The following PCDHGA1 variants were observed in gnomAD, a reference collection of about 807,000 sequenced individuals.
PCDHGA1 encodes the protein protocadherin gamma subfamily A, 1, also known as protocadherin gamma-A1.
PCDHGA1 carries 32 observed loss-of-function variants against 58.0 expected under a neutral mutation model. The ratio of observed to expected loss-of-function variants is 0.55; its 90% CI spans 0.42 to 0.74. The LOEUF is 0.74. PCDHGA1 is among the 30% of genes least tolerant of loss of function. The pLI, the probability that PCDHGA1 is intolerant of heterozygous loss-of-function variation, is 0.00. For missense variants in PCDHGA1, 1,205 were observed against 1,182.3 expected, an observed-to-expected ratio of 1.02 and a Z score of -0.28; for synonymous variants, 498 against 501.1, an observed-to-expected ratio of 0.99 and a Z score of 0.08.
chr5:141,410,508 G>T (rs752298772), intron 1 of PCDHGA1: 1 of 1,613,968 alleles, frequency 6.2e-7, no homozygotes, highest in South Asian at 1.1e-5. Context: ...TTCCTAAAAT[G>T]CAGTGTGCCC....
chr5:141,403,517 G>A, intron 1 of PCDHGA1: 1 of 1,614,030 alleles, frequency 6.2e-7, no homozygotes, highest in Non-Finnish European at 8.5e-7. Context: ...AGACAATGGA[G>A]CCATAAACCC....
chr5:141,364,426 C>T (rs1763319753), intron 1 of PCDHGA1: 1 of 1,613,566 alleles, frequency 6.2e-7, no homozygotes. Flanking sequence ...GGCAGATCCG[C>T]TACTCGATGC....
intron 1 of PCDHGA1, chr5:141,389,471 A>G: frequency 6.2e-7 from 1 of 1,613,210 alleles, no homozygotes; most frequent in Non-Finnish European, 8.5e-7. Flanking sequence ...TCGAACTCAC[A>G]CTGCAGGCCC....
chr5:141,384,217 A>G lies in PCDHGA1; in HGVS notation c.2421+51112A>G, dbSNP rs1026607669. 6 of 1,613,776 alleles carry G rather than the reference A, an allele frequency of 3.7e-6. No homozygotes were observed. The African/African-American group carries it at 8.0e-5, about 22-fold the overall frequency. On this transcript the variant is annotated intron_variant, in intron 1 of 3. Coordinates refer to ENST00000517417, the MANE Select transcript of PCDHGA1 (RefSeq NM_018912.3). The stretch of plus-strand genomic sequence containing the variant: ...CTTGTCCAGGGAAACTCACATATTC[A>G]TGCAGGTGGCAGACACCAACGATAA...
chr5:141,421,491 A>G (rs934861223), intron 1 of PCDHGA1: 8 of 1,614,102 alleles, frequency 5.0e-6, no homozygotes, highest in Non-Finnish European at 6.8e-6. Context: ...TGATCACGGC[A>G]GGCAGGATAG....
intron 2 of PCDHGA1, among the ~76,000 whole-genome samples, chr5:141,503,239 C>G (rs1364808315): frequency 6.6e-6 from 1 of 152,088 alleles, no homozygotes; most frequent in Non-Finnish European, 1.5e-5. Flanking sequence ...TGGACAGTTT[C>G]TATCATACTC....
intron 1 of PCDHGA1, among the ~76,000 whole-genome samples, chr5:141,437,486 G>A (rs530079212): frequency 2.6e-5 from 4 of 152,224 alleles, no homozygotes; most frequent in South Asian, 2.1e-4. Flanking sequence ...ATTTAATCTC[G>A]TAGATCACTT....
At chr5:141,373,805 G>T in intron 1 of PCDHGA1, 1 of 337,732 alleles carries the variant, frequency 3.0e-6, no homozygotes, top group Non-Finnish European at 5.3e-6. Context: ...TCCTCTGTGT[G>T]ATAGTTTCAC....
At chr5:141,375,521 GACGTGGACCAGA>G in intron 1 of PCDHGA1, 1 of 1,613,994 alleles carries the variant, frequency 6.2e-7, no homozygotes, top group Non-Finnish European at 8.5e-7. Context: ...ACTGGACCCT[GACGTGGACCAGA>G]ACGCCCAAGT....
At chr5:141,372,680 C>T in intron 1 of PCDHGA1, 1 of 1,614,016 alleles carries the variant, frequency 6.2e-7, no homozygotes, top group South Asian at 1.1e-5. Context: ...ATTCCTCAAA[C>T]ACCGAGTTTA....
chr5:141,358,643 A>G (rs1291324695), intron 1 of PCDHGA1, among the ~76,000 whole-genome samples: 1 of 152,082 alleles, frequency 6.6e-6, no homozygotes, highest in Non-Finnish European at 1.5e-5. Context: ...ATATATAAGT[A>G]GATTCTAGGA....
chr5:141,393,504 A>T, intron 1 of PCDHGA1: 1 of 1,614,036 alleles, frequency 6.2e-7, no homozygotes. Flanking sequence ...CATCCACGTG[A>T]CAGTGTTGGA....
intron 1 of PCDHGA1, chr5:141,371,031 A>G (rs1561549182): frequency 1.2e-6 from 2 of 1,613,872 alleles, no homozygotes; most frequent in East Asian, 2.2e-5. Flanking sequence ...CCTGGTCCTC[A>G]CAGCTGTGGA....
At chr5:141,455,686 G>A (rs1282071031) in intron 1 of PCDHGA1, among the ~76,000 whole-genome samples, 1 of 152,094 alleles carries the variant, frequency 6.6e-6, no homozygotes. Context: ...AAGGCTGTGG[G>A]AATCGCCAAG....
At chr5:141,421,009 T>C (rs948913987) in intron 1 of PCDHGA1, 1 of 515,496 alleles carries the variant, frequency 1.9e-6, no homozygotes, top group East Asian at 3.2e-5. Flanking sequence ...AATCAGGGAA[T>C]GGGAAGCTGC....
intron 1 of PCDHGA1, chr5:141,423,653 G>A: frequency 6.3e-7 from 1 of 1,578,174 alleles, no homozygotes. Context: ...GACCCGACAA[G>A]TAATCAGGTG....
At position 141,477,530 on chromosome 5, in the gene PCDHGA1, C is replaced by A; in HGVS notation, c.2422-17277C>A. The A allele has an allele frequency of 6.2e-7, 1 of 1,614,186 alleles. No homozygotes were observed. The highest frequency in any genetic ancestry group is 1.1e-5 in the South Asian group (1 of 91,082). ...CGTTTACATTGAAGAAAACAACCTCCCCGGGGCTCCAATACTAAACCTAAG... is the reference window on the plus strand; with the variant it reads ...CGTTTACATTGAAGAAAACAACCTCACCGGGGCTCCAATACTAAACCTAAG... On this transcript the variant is annotated intron_variant, in intron 1 of 3. Coordinates refer to ENST00000517417, the MANE Select transcript of PCDHGA1 (RefSeq NM_018912.3). The surrounding 1 kb of genome is among the most constrained non-coding windows in gnomAD (Gnocchi z 4.9).
chr5:141,469,505 G>T (rs2099202987), intron 1 of PCDHGA1, among the ~76,000 whole-genome samples: 1 of 152,138 alleles, frequency 6.6e-6, no homozygotes. Flanking sequence ...AACCCGGGAG[G>T]TGGAGGTTGC....
intron 1 of PCDHGA1, chr5:141,478,197 T>G (rs2099437910): frequency 6.2e-7 from 1 of 1,613,956 alleles, no homozygotes; most frequent in Admixed American, 1.7e-5. Context: ...ACCTTTTATC[T>G]ACTTCTTTCT....
Sources: gnomAD v4.1 joint callset for allele counts (sites outside exome capture counted in the v4.1 genomes callset) on GRCh38, gnomAD v4.1.1 for gene constraint, Gnocchi (gnomAD v3.1) non-coding constraint, MANE v1.5 for transcripts, NCBI Gene and HGNC (gene_info 2026-07-23, HGNC 2026-07-21) for gene names.